The following FAAH2 variants were observed in gnomAD, a reference collection of about 807,000 sequenced individuals.
FAAH2 encodes fatty-acid amide hydrolase 2.
FAAH2 carries 60 observed loss-of-function variants against 36.9 expected under a neutral mutation model. That is an observed-to-expected ratio of 1.63 (90% CI 1.32 to 2.02). The LOEUF is 2.02. Among genes scored for constraint, FAAH2 ranks in the 30% most tolerant of loss-of-function variants. The pLI is 0.00. For synonymous variants in FAAH2, 214 were observed against 143.8 expected (o/e 1.49, Z -3.49); for missense variants, 689 against 397.5 (o/e 1.73, Z -6.23).
At chrX:57,436,415 G>T (rs942367122) in intron 8 of FAAH2, among the ~76,000 whole-genome samples, 1 of 109,412 alleles carries the variant, frequency 9.1e-6, no homozygotes, top group African/African-American at 3.3e-5. Flanking sequence ...AAAGGTAGAA[G>T]TACAAAGGGT....
In FAAH2 at chrX:57,323,080, G is replaced by A. The variant is rs557035153; in HGVS notation, c.413-8518G>A. Among the ~76,000 whole-genome samples the A allele has an allele frequency of 1.7e-4, 19 of 110,774 alleles. No homozygotes were observed. The East Asian group carries it at 3.7e-3, about 22-fold the overall frequency. On this transcript the variant is annotated intron_variant, in intron 3 of 10. Coordinates refer to ENST00000374900, the MANE Select transcript of FAAH2 (RefSeq NM_174912.4). ...TTCCCACCTATGAGTAAGAACATGC[G>A]GTGTTTGGTTTTTTGTCTTTGCAAC... is the stretch of plus-strand genomic sequence containing the variant.
At chrX:57,456,308 G>T (rs1179448995) in intron 10 of FAAH2, among the ~76,000 whole-genome samples, 1 of 111,903 alleles carries the variant, frequency 8.9e-6, no homozygotes, top group Non-Finnish European at 1.9e-5. Context: ...AGTGGTAAGA[G>T]ACAAATTTGT....
chrX:57,210,688 G>C, the FAAH2 span, among the ~76,000 whole-genome samples: 3 of 112,490 alleles, frequency 2.7e-5, no homozygotes, highest in African/African-American at 9.7e-5. Flanking sequence ...TAAAATGAAA[G>C]ACAAATAGGA....
intron 4 of FAAH2, among the ~76,000 whole-genome samples, chrX:57,336,092 G>T (rs1428399881): frequency 9.0e-6 from 1 of 111,010 alleles, no homozygotes; most frequent in African/African-American, 3.3e-5. Context: ...TGACCTGCAG[G>T]TACACATCCA....
At chrX:57,254,241 G>A in the FAAH2 span, among the ~76,000 whole-genome samples, 1 of 111,857 alleles carries the variant, frequency 8.9e-6, no homozygotes, top group South Asian at 3.7e-4. Flanking sequence ...AAATATATAT[G>A]CACCCAATAC....
the FAAH2 span, among the ~76,000 whole-genome samples, chrX:57,268,138 A>G: frequency 8.9e-6 from 1 of 112,289 alleles, no homozygotes; most frequent in African/African-American, 3.2e-5. Flanking sequence ...CAAAATAGCC[A>G]GAATAGAGAC....
rs776354660 is a variant in FAAH2, at chrX:57,286,824, C to T, written c.-2C>T. ...CTAGGACCGTGCGGAATCCAGGCTG[C>T]GATGGCACCTTCATTTACCGCCCGC... On this transcript the variant is annotated 5_prime_UTR_variant, in exon 1 of 11. Coordinates refer to ENST00000374900, the MANE Select transcript of FAAH2 (RefSeq NM_174912.4). The T allele has an allele frequency of 1.1e-5, 13 of 1,178,277 alleles. No homozygotes were observed. Among genetic ancestry groups the T allele is most frequent in the South Asian group, 1.9e-5 (1 of 51,967 alleles).
chrX:57,452,617 C>G (rs894301007), intron 10 of FAAH2, among the ~76,000 whole-genome samples: 7 of 112,169 alleles, frequency 6.2e-5, no homozygotes, highest in Admixed American at 4.7e-4. Flanking sequence ...CATTGTTGCA[C>G]AAAATGCATA....
chrX:57,438,567 G>A (rs1282141537), intron 8 of FAAH2, among the ~76,000 whole-genome samples: 1 of 109,997 alleles, frequency 9.1e-6, no homozygotes, highest in Non-Finnish European at 1.9e-5. Context: ...TTTTTTCGAA[G>A]AATTAGAAAA....
chrX:57,197,436 T>A, the FAAH2 span, among the ~76,000 whole-genome samples: 14 of 111,910 alleles, frequency 1.3e-4, no homozygotes, highest in African/African-American at 4.5e-4. Context: ...TTGGGGATGT[T>A]AAAGAACTTG....
rs780914334 is a variant in FAAH2 at position 57,451,306 on chromosome X, CACTT to C, written c.1423+2590_1423+2593del. Among the ~76,000 whole-genome samples, 623 of 111,863 alleles carry C rather than the reference CACTT, an allele frequency of 5.6e-3. 2 individuals carry two copies. Among genetic ancestry groups the C allele is most frequent in the Non-Finnish European group, 9.6e-3 (509 of 53,136 alleles). On this transcript the variant is annotated intron_variant, in intron 10 of 10. Transcript: ENST00000374900. ...ACTCTCTTCCCTTGTTCTTCTGCCT[CACTT>C]AGTGCTCAGTGAAGCAAAGTACCTT... is the stretch of plus-strand genomic sequence containing the variant.
chrX:57,358,037 G>A (rs2054201344), intron 5 of FAAH2, among the ~76,000 whole-genome samples: 1 of 111,012 alleles, frequency 9.0e-6, no homozygotes, highest in African/African-American at 3.3e-5. Context: ...TCTTTTGCAG[G>A]GACATGGATG....
At position 57,377,342 on chromosome X, in the gene FAAH2, CCA is replaced by C. The variant is rs1273125229; in HGVS notation, c.743-1308_743-1307del. On this transcript the variant is annotated intron_variant, in intron 5 of 10. Coordinates refer to ENST00000374900, the MANE Select transcript of FAAH2 (RefSeq NM_174912.4). ...TTTTGTATAAGGTGTAGGAAGTGAT[CCA>C]GTTTCAGTTTTCCACATATGGCTAG... Among the ~76,000 whole-genome samples the C allele has an allele frequency of 3.6e-5, 4 of 112,107 alleles. No individual in the cohort carries two copies. In the East Asian group the frequency reaches 1.1e-3, roughly 31 times the overall value.
chrX:57,376,112 G>T (rs185191704), intron 5 of FAAH2, among the ~76,000 whole-genome samples: 2 of 111,316 alleles, frequency 1.8e-5, no homozygotes, highest in East Asian at 2.8e-4. Flanking sequence ...TACTATAACT[G>T]TAGTATAACT....
chrX:57,208,197 C>T, the FAAH2 span, among the ~76,000 whole-genome samples: 1 of 112,263 alleles, frequency 8.9e-6, no homozygotes, highest in Non-Finnish European at 1.9e-5. Flanking sequence ...AGGGTCAGGC[C>T]ACTCTTTTTC....
chrX:57,148,566 G>T, the FAAH2 span, among the ~76,000 whole-genome samples: 1 of 111,436 alleles, frequency 9.0e-6, no homozygotes, highest in Admixed American at 9.6e-5. Context: ...CTGTTTGTCT[G>T]TTATTGGTGT....
the FAAH2 span, among the ~76,000 whole-genome samples, chrX:57,241,901 C>A: frequency 9.0e-6 from 1 of 111,171 alleles, no homozygotes; most frequent in Non-Finnish European, 1.9e-5. Flanking sequence ...TTCCTCCCCA[C>A]TGGGCAGGGC....
intron 3 of FAAH2, 145 bp downstream of exon 3, chrX:57,310,874 A>C: frequency 4.8e-6 from 3 of 628,586 alleles, no homozygotes; most frequent in Non-Finnish European, 6.9e-6. Flanking sequence ...ATATTCAGCA[A>C]GTTCCATTGG....
the FAAH2 span, among the ~76,000 whole-genome samples, chrX:57,268,598 G>A: frequency 9.0e-6 from 1 of 111,723 alleles, no homozygotes. Flanking sequence ...AAGGGAGGTA[G>A]AGAGAAGGAC....
Sources: allele counts gnomAD v4.1 joint callset (sites outside exome capture counted in the v4.1 genomes callset), GRCh38; gene constraint gnomAD v4.1.1; transcripts MANE v1.5; gene names NCBI Gene and HGNC (gene_info 2026-07-23, HGNC 2026-07-21).